MPRIP: variants seen among roughly 807,000 people sequenced by gnomAD.
The protein encoded by MPRIP is myosin phosphatase Rho interacting protein, also known as myosin phosphatase Rho-interacting protein.
Under a neutral mutation model 234.9 loss-of-function variants are expected in MPRIP, and 59 were observed. That is an observed-to-expected ratio of 0.25 (90% CI 0.20 to 0.31). The LOEUF (loss-of-function observed/expected upper bound fraction) is 0.31, where lower values mean the gene tolerates loss of function less well. Ranked by LOEUF, MPRIP falls within the 10% of genes least tolerant of loss-of-function variation. MPRIP has a pLI of 1.00. For missense variants in MPRIP, 2,436 were observed against 3,071.0 expected (o/e 0.79, Z 4.89); for synonymous variants, 1,144 against 1,263.9 (o/e 0.91, Z 2.01).
intron 15 of MPRIP, among the ~76,000 whole-genome samples, chr17:17,162,782 C>T (rs1327615620): frequency 6.6e-6 from 1 of 152,226 alleles, no homozygotes; most frequent in African/African-American, 2.4e-5. Flanking sequence ...GAAATGCTCA[C>T]TGGAGCATTT....
intron 1 of MPRIP, among the ~76,000 whole-genome samples, chr17:17,074,717 A>G (rs1212434734): frequency 1.3e-5 from 2 of 152,116 alleles, no homozygotes; most frequent in Admixed American, 6.5e-5. Context: ...GACCATTTGC[A>G]TAAGTGGAAT....
chr17:17,101,846 T>C (rs2144222074), intron 3 of MPRIP, among the ~76,000 whole-genome samples: 1 of 152,248 alleles, frequency 6.6e-6, no homozygotes, highest in Non-Finnish European at 1.5e-5. Context: ...ATGGGCTGCC[T>C]TCAAGCCATG....
chr17:17,145,574 G>A (rs1349683981), intron 9 of MPRIP, among the ~76,000 whole-genome samples: 1 of 152,238 alleles, frequency 6.6e-6, no homozygotes, highest in Admixed American at 6.5e-5. Flanking sequence ...GGCTGCAGCT[G>A]CTGCTTCCTC....
chr17:17,167,578 A>G lies in MPRIP; in HGVS notation c.5987A>G (p.Gln1996Arg). Reference sequence around the variant, plus strand: ...GAGAGGCATCATGGTGAGCAGATACAGACCCTGGAGGACAGGTTCCAGCTC... The same window carrying G: ...GAGAGGCATCATGGTGAGCAGATACGGACCCTGGAGGACAGGTTCCAGCTC... ...DMERHHGEQI[Q>R]TLEDRFQLKV... is the part of the protein sequence containing the mutation. The change falls in exon 16 of 24, where the codon CAG (glutamine) becomes CGG (arginine). Residue 1996 changes from glutamine (Q) to arginine (R), a missense_variant. By Grantham distance (43) the Gln-to-Arg change is conservative. This residue lies in a region of MPRIP where 1,998 missense variants were observed against 2,520.3 expected (regional missense o/e 0.79). Transcript: ENST00000651222. This position sits in a 1 kb window ranked among gnomAD's most constrained non-coding sequence, Gnocchi z 5.9. 3.1e-6 allele frequency: 4 copies of G among 1,304,284 alleles called. No individual in the cohort carries two copies. Among genetic ancestry groups the G allele is most frequent in the Non-Finnish European group, 3.0e-6 (3 of 988,966 alleles). The allele number at this position is 1,304,284 out of a possible 1,614,324, so 80.8% of individuals were successfully genotyped here.
At chr17:17,137,503 A>G (rs1477688039) in intron 6 of MPRIP, among the ~76,000 whole-genome samples, 4 of 121,690 alleles carry the variant, frequency 3.3e-5, no homozygotes, top group Non-Finnish European at 7.1e-5. Context: ...ACAGAGCGAG[A>G]TTGCATCTCA....
chr17:17,166,723 T>C lies in MPRIP; in HGVS notation c.5132T>C (p.Ile1711Thr). ...CAGCACAAATGCCTGCTGAGGGAAA[T>C]CCTGGGAGCCTACCAAACCCCAGAC... ...LRQHKCLLREILGAYQTPDFE... is the reference protein window; with the variant it reads ...LRQHKCLLRETLGAYQTPDFE... The change falls in exon 16 of 24, where the codon ATC becomes ACC. Residue 1711 changes from isoleucine (I) to threonine (T), a missense_variant. By Grantham distance (89) the Ile-to-Thr change is moderately conservative. Coordinates refer to ENST00000651222, the MANE Select transcript of MPRIP (RefSeq NM_001364716.4). The surrounding 1 kb of genome is among the most constrained non-coding windows in gnomAD (Gnocchi z 4.4). 7.7e-7 allele frequency: 1 copy of C among 1,304,016 alleles called. No homozygotes were observed. The highest frequency in any genetic ancestry group is 1.0e-6 in the Non-Finnish European group (1 of 988,912). 80.8% of individuals were successfully genotyped at this position (1,304,016 alleles called of 1,614,324 possible). A position where few individuals can be genotyped will look rare whatever the true frequency, so the allele number is the denominator to read the frequency against.
intron 9 of MPRIP, 32 bp from the exon 10 acceptor site, chr17:17,146,004 C>G (rs1291456686): frequency 2.5e-6 from 4 of 1,609,094 alleles, no homozygotes; most frequent in Non-Finnish European, 3.4e-6. Context: ...GAAGAGTTTC[C>G]TCTGAGCTGT....
chr17:17,161,555 T>C (rs759422416), intron 15 of MPRIP, among the ~76,000 whole-genome samples, 199 bp downstream of exon 15: 4 of 152,346 alleles, frequency 2.6e-5, no homozygotes, highest in South Asian at 4.1e-4. Flanking sequence ...CCTCCTGATA[T>C]GACATTTTGG....
rs1249099508 is a variant in MPRIP, at chr17:17,187,964, A to G, written c.*3070A>G. On this transcript the variant is annotated 3_prime_UTR_variant, in exon 24 of 24. Coordinates refer to ENST00000651222, the MANE Select transcript of MPRIP (RefSeq NM_001364716.4). ...TATGTGTAGTATGCTAGCACCAGCC[A>G]GTAAGCTGTGCCACACATATGAATG... 1.3e-5 allele frequency: 2 copies of G among 152,278 alleles called. No individual in the cohort carries two copies. Among genetic ancestry groups the G allele is most frequent in the African/African-American group, 4.8e-5 (2 of 41,476 alleles). 9.4% of individuals were successfully genotyped at this position (152,278 alleles called of 1,614,324 possible). A position where few individuals can be genotyped will look rare whatever the true frequency, so the allele number is the denominator to read the frequency against.
chr17:17,075,154 G>A (rs2089298140), intron 1 of MPRIP, among the ~76,000 whole-genome samples: 2 of 152,148 alleles, frequency 1.3e-5, no homozygotes, highest in Non-Finnish European at 2.9e-5. Flanking sequence ...GAGTCATGAG[G>A]TTTAGGTAGA....
chr17:17,109,346 C>T (rs1456781678), intron 3 of MPRIP, among the ~76,000 whole-genome samples: 2 of 152,172 alleles, frequency 1.3e-5, no homozygotes, highest in African/African-American at 2.4e-5. Context: ...GCTCTGTGTG[C>T]AAGGGAAAGC....
At chr17:17,171,964 G>A (rs1300485112) in intron 17 of MPRIP, 99 bp downstream of exon 17, 2 of 1,336,364 alleles carry the variant, frequency 1.5e-6, no homozygotes, top group African/African-American at 2.9e-5. Flanking sequence ...ATTGCCTTTT[G>A]GCTGAGATGT....
At chr17:17,074,467 G>T (rs2089278406) in intron 1 of MPRIP, among the ~76,000 whole-genome samples, 1 of 152,198 alleles carries the variant, frequency 6.6e-6, no homozygotes, top group Admixed American at 6.5e-5. Context: ...TGTTCTTTGT[G>T]CAGCTTTTTA....
At chr17:17,159,059 GCTGT>G in intron 14 of MPRIP, 57 bp downstream of exon 14, 5 of 1,516,830 alleles carry the variant, frequency 3.3e-6, no homozygotes, top group Non-Finnish European at 4.5e-6. Flanking sequence ...CAGAGCATCA[GCTGT>G]GCCCAGCTGT....
chr17:17,078,116 A>G lies in MPRIP; in HGVS notation c.267+40A>G. 1 of 1,604,836 alleles carries G rather than the reference A, an allele frequency of 6.2e-7. No individual in the cohort carries two copies. The highest frequency in any genetic ancestry group is 1.1e-5 in the South Asian group (1 of 90,906). ...TGCCCACTCCCTGTCCCCAGCCTTC[A>G]CCAAGTCCCTCCATTACAGTGCCCT... On this transcript the variant is annotated intron_variant, in intron 3 of 23. Coordinates refer to ENST00000651222, the MANE Select transcript of MPRIP (RefSeq NM_001364716.4). The surrounding 1 kb of genome is among the most constrained non-coding windows in gnomAD (Gnocchi z 4.3).
chr17:17,154,565 C>T, intron 13 of MPRIP, 150 bp downstream of exon 13: 1 of 655,342 alleles, frequency 1.5e-6, no homozygotes, highest in Non-Finnish European at 2.7e-6. Context: ...TTCTGTTGCT[C>T]AGGTTCCTGT....
At position 17,164,968 on chromosome 17, in the gene MPRIP, A is replaced by C. The variant is rs773852660; in HGVS notation, c.3377A>C (p.Glu1126Ala). The C allele has an allele frequency of 2.3e-5, 30 of 1,303,174 alleles. No individual in the cohort carries two copies. The highest frequency in any genetic ancestry group is 3.0e-5 in the Non-Finnish European group (30 of 988,862). The allele number at this position is 1,303,174 out of a possible 1,614,324, so 80.7% of individuals were successfully genotyped here. Reference protein sequence around the residue: ...ELTERVATSDEDVAELREKLR... With the variant: ...ELTERVATSDADVAELREKLR... ...ACAGAGCGCGTGGCCACGTCCGACG[A>C]GGATGTGGCTGAGCTCCGGGAAAAG... The change falls in exon 16 of 24, where the codon GAG becomes GCG. Residue 1126 changes from glutamate (E) to alanine (A), a missense_variant. Transcript: ENST00000651222.
At chr17:17,145,906 G>C in intron 9 of MPRIP, 130 bp from the exon 10 acceptor site, 1 of 875,598 alleles carries the variant, frequency 1.1e-6, no homozygotes. Flanking sequence ...GGGCTGCACA[G>C]GCTTGTCTGG....
intron 17 of MPRIP, 122 bp from the exon 18 acceptor site, chr17:17,172,576 G>A (rs1156376201): frequency 2.8e-6 from 2 of 708,268 alleles, no homozygotes; most frequent in Non-Finnish European, 2.4e-6. Context: ...TCCAACTGCT[G>A]ATTGACTAAG....
Sources: allele counts gnomAD v4.1 joint callset (sites outside exome capture counted in the v4.1 genomes callset), GRCh38; gene constraint gnomAD v4.1.1; regional missense constraint gnomAD v4.1.1; non-coding constraint Gnocchi (gnomAD v3.1); transcripts MANE v1.5; gene names NCBI Gene and HGNC (gene_info 2026-07-23, HGNC 2026-07-21).